Variants in GULP1 observed in about 807,000 individuals in gnomAD.
The protein encoded by GULP1 is PTB domain-containing engulfment adapter protein 1.
A neutral mutation model predicts 40.9 loss-of-function variants in GULP1; 19 were observed. The observed-to-expected ratio is 0.46, with a 90% CI of 0.32 to 0.68. The LOEUF (loss-of-function observed/expected upper bound fraction) is 0.68, where lower values mean the gene tolerates loss of function less well. Among genes scored for constraint, GULP1 ranks in the 30% least tolerant of loss-of-function variants. The pLI is 0.03. For synonymous variants in GULP1, 119 were observed against 117.6 expected, an observed-to-expected ratio of 1.01 and a Z score of -0.08; for missense variants, 312 against 362.2, an observed-to-expected ratio of 0.86 and a Z score of 1.12.
At chr2:188,318,114 G>C (rs1048734623) in intron 1 of GULP1, among the ~76,000 whole-genome samples, 2 of 151,944 alleles carry the variant, frequency 1.3e-5, no homozygotes, top group Admixed American at 1.3e-4. Context: ...AAAATGATAT[G>C]TTAATAAATG....
intron 4 of GULP1, among the ~76,000 whole-genome samples, chr2:188,487,828 C>T (rs969271836): frequency 6.6e-6 from 1 of 151,922 alleles, no homozygotes; most frequent in African/African-American, 2.4e-5. Context: ...TTTGCCACTT[C>T]GTTTGTTTAA....
At chr2:188,529,537 A>G (rs1687019924) in intron 6 of GULP1, among the ~76,000 whole-genome samples, 1 of 152,176 alleles carries the variant, frequency 6.6e-6, no homozygotes, top group Non-Finnish European at 1.5e-5. Flanking sequence ...GTGTTATTAA[A>G]ATATTCTGCA....
intron 2 of GULP1, among the ~76,000 whole-genome samples, chr2:188,460,959 C>T (rs1342062875): frequency 2.0e-5 from 3 of 152,166 alleles, no homozygotes; most frequent in East Asian, 1.9e-4. Context: ...ATATGTTAAA[C>T]CATTATTGCA....
intron 4 of GULP1, among the ~76,000 whole-genome samples, chr2:188,503,778 A>G (rs983540340): frequency 8.6e-5 from 13 of 151,854 alleles, no homozygotes; most frequent in Non-Finnish European, 5.9e-5. Flanking sequence ...AAATCTTATA[A>G]ACGATGGAGA....
Position 188,522,843 on chromosome 2 carries a change from C to T in GULP1, c.162+16C>T. 6.7e-7 allele frequency: 1 copy of T among 1,503,150 alleles called. No individual in the cohort carries two copies. Among genetic ancestry groups the T allele is most frequent in the Non-Finnish European group, 9.3e-7 (1 of 1,079,772 alleles). The allele number at this position is 1,503,150 out of a possible 1,614,324, so 93.1% of individuals were successfully genotyped here. A position where few individuals can be genotyped will look rare whatever the true frequency, so the allele number is the denominator to read the frequency against. On this transcript the variant is annotated intron_variant, in intron 5 of 11. Transcript: ENST00000409830. The stretch of plus-strand genomic sequence containing the variant: ...GAAACTAAAGGTAGGGAAAGGCCTT[C>T]AAATAAATTACAAGTGTATTGACTC...
chr2:188,497,047 A>T (rs1267915729), intron 4 of GULP1, among the ~76,000 whole-genome samples: 1 of 151,928 alleles, frequency 6.6e-6, no homozygotes, highest in African/African-American at 2.4e-5. Context: ...TTTATCAGTT[A>T]CCCATTCTCA....
intron 7 of GULP1, chr2:188,541,696 A>C (rs1323626198): frequency 8.4e-6 from 3 of 355,052 alleles, no homozygotes; most frequent in Non-Finnish European, 1.0e-5. Context: ...TTTCCCCCAC[A>C]TGTGCAGAAT....
chr2:188,436,999 C>T (rs768605975), intron 2 of GULP1, among the ~76,000 whole-genome samples: 19 of 152,224 alleles, frequency 1.2e-4, no homozygotes, highest in Non-Finnish European at 2.2e-4. Context: ...CAGCATTATC[C>T]ACTATAGTTC....
intron 1 of GULP1, among the ~76,000 whole-genome samples, chr2:188,379,814 T>C (rs2048780859): frequency 6.6e-6 from 1 of 152,202 alleles, no homozygotes; most frequent in Non-Finnish European, 1.5e-5. Context: ...TCCTTGAAGA[T>C]GGCGTGTTCG....
chr2:188,570,305 G>A (rs1352507155), intron 9 of GULP1, among the ~76,000 whole-genome samples, 185 bp downstream of exon 9: 4 of 152,162 alleles, frequency 2.6e-5, no homozygotes, highest in African/African-American at 7.2e-5. Flanking sequence ...TCAAATCAGA[G>A]TTGTTTTCTA....
At chr2:188,508,384 G>A (rs1170134976) in intron 4 of GULP1, among the ~76,000 whole-genome samples, 1 of 152,018 alleles carries the variant, frequency 6.6e-6, no homozygotes, top group African/African-American at 2.4e-5. Context: ...ACAAAAGCAT[G>A]ATTTGCAATA....
At chr2:188,410,884 G>A (rs2053781628) in intron 2 of GULP1, among the ~76,000 whole-genome samples, 1 of 152,214 alleles carries the variant, frequency 6.6e-6, no homozygotes, top group Non-Finnish European at 1.5e-5. Flanking sequence ...AGATCTGGCT[G>A]AAGGCAGCCT....
At chr2:188,582,238 A>C (rs968713800) in intron 9 of GULP1, 7 of 387,758 alleles carry the variant, frequency 1.8e-5, no homozygotes, top group Admixed American at 1.4e-4. Flanking sequence ...TGATCTTATC[A>C]TCTTAACAAA....
chr2:188,482,360 A>C lies in GULP1; in HGVS notation c.29-1071A>C, dbSNP rs574754862. ...TAAAAAAATCCAAATTTAATGTTGA[A>C]ACTACTTTGTTAGTAATACAATATT... On this transcript the variant is annotated intron_variant, in intron 3 of 11. Transcript: ENST00000409830. 2.6e-4 allele frequency among the ~76,000 whole-genome samples: 40 copies of C among 152,076 alleles called. 1 individual carries two copies. Among genetic ancestry groups the C allele is most frequent in the African/African-American group, 9.4e-4 (39 of 41,552 alleles).
chr2:188,344,388 T>C (rs1039224371), intron 1 of GULP1, among the ~76,000 whole-genome samples: 2 of 152,160 alleles, frequency 1.3e-5, no homozygotes, highest in Admixed American at 1.3e-4. Context: ...AGTGGTGAGC[T>C]GGTTAAGTGG....
intron 7 of GULP1, among the ~76,000 whole-genome samples, chr2:188,566,758 G>T (rs1298309563): frequency 8.0e-6 from 1 of 125,676 alleles, no homozygotes; most frequent in East Asian, 2.4e-4. Context: ...TTGCGCCACT[G>T]CACTCCAGCC....
intron 1 of GULP1, among the ~76,000 whole-genome samples, chr2:188,316,904 C>T (rs904831440): frequency 6.6e-6 from 1 of 152,082 alleles, no homozygotes; most frequent in Non-Finnish European, 1.5e-5. Context: ...AATGAAGAAA[C>T]AATAAATTCA....
intron 7 of GULP1, among the ~76,000 whole-genome samples, chr2:188,557,718 C>G (rs2153399040): frequency 6.6e-6 from 1 of 152,316 alleles, no homozygotes; most frequent in South Asian, 2.1e-4. Flanking sequence ...CTAGGCAGTC[C>G]CCCAATGGGG....
intron 5 of GULP1, among the ~76,000 whole-genome samples, chr2:188,527,610 G>A (rs546183204): frequency 2.6e-5 from 4 of 152,188 alleles, no homozygotes; most frequent in South Asian, 4.2e-4. Context: ...TAGTTGTATC[G>A]TGCAGCAGTA....
Sources: gnomAD v4.1 joint callset for allele counts (sites outside exome capture counted in the v4.1 genomes callset) on GRCh38, gnomAD v4.1.1 for gene constraint, MANE v1.5 for transcripts, NCBI Gene and HGNC (gene_info 2026-07-23, HGNC 2026-07-21) for gene names.